Variants in DIP2C observed in about 807,000 individuals in gnomAD.
DIP2C encodes the protein disco-interacting protein 2 homolog C.
A neutral mutation model predicts 192.4 loss-of-function variants in DIP2C; 33 were observed. That is an observed-to-expected ratio of 0.17 (90% confidence interval 0.13 to 0.23). The LOEUF (loss-of-function observed/expected upper bound fraction) is 0.23, where lower values mean the gene tolerates loss of function less well. Among genes scored for constraint, DIP2C ranks in the 10% least tolerant of loss-of-function variants. The pLI, the probability that DIP2C is intolerant of heterozygous loss-of-function variation, is 1.00. For synonymous variants in DIP2C, 979 were observed against 864.1 expected, an observed-to-expected ratio of 1.13 and a Z score of -2.33; for missense variants, 1,537 against 2,110.1, an observed-to-expected ratio of 0.73 and a Z score of 5.32.
At chr10:337,486 T>G (rs1161798108) in intron 29 of DIP2C, among the ~76,000 whole-genome samples, 2 of 141,734 alleles carry the variant, frequency 1.4e-5, no homozygotes, top group African/African-American at 5.3e-5. Flanking sequence ...TGTGTATGTG[T>G]GTGCTGTGGA....
At chr10:527,940 C>T (rs1289631856) in intron 1 of DIP2C, among the ~76,000 whole-genome samples, 1 of 152,164 alleles carries the variant, frequency 6.6e-6, no homozygotes, top group East Asian at 1.9e-4. Flanking sequence ...CCCAGCTCCA[C>T]GTAATTATGT....
At chr10:507,033 G>A (rs1211355618) in intron 1 of DIP2C, among the ~76,000 whole-genome samples, 9 of 150,376 alleles carry the variant, frequency 6.0e-5, no homozygotes, top group South Asian at 2.1e-4. Flanking sequence ...GTGAGGTCAC[G>A]GACCCGGTCA....
chr10:414,499 C>T (rs1965408017), intron 7 of DIP2C, among the ~76,000 whole-genome samples: 1 of 151,936 alleles, frequency 6.6e-6, no homozygotes, highest in African/African-American at 2.4e-5. Flanking sequence ...ATATTTTGTC[C>T]TGAAAGATTA....
At chr10:437,713 G>C (rs1018029558) in intron 4 of DIP2C, 1 of 152,176 alleles carries the variant, frequency 6.6e-6, no homozygotes, top group African/African-American at 2.4e-5. Flanking sequence ...AATTATTCTT[G>C]TATCTTTACA....
chr10:442,428 T>C (rs965248406), intron 3 of DIP2C, among the ~76,000 whole-genome samples: 3 of 152,158 alleles, frequency 2.0e-5, no homozygotes, highest in South Asian at 2.1e-4. Flanking sequence ...AAAATCAATA[T>C]GTGACTGACT....
At chr10:634,353 A>T (rs1854707386) in intron 1 of DIP2C, among the ~76,000 whole-genome samples, 1 of 152,164 alleles carries the variant, frequency 6.6e-6, no homozygotes, top group South Asian at 2.1e-4. Context: ...CAGCTACACT[A>T]AACTACTTGT....
Position 652,015 on chromosome 10 carries a change from A to G in DIP2C, c.85+37479T>C, listed in dbSNP as rs1032119777. 8 of 160,534 alleles carry G rather than the reference A, an allele frequency of 5.0e-5. No homozygotes were observed. Among genetic ancestry groups the G allele is most frequent in the East Asian group, 3.8e-4 (2 of 5,292 alleles). 9.9% of individuals were successfully genotyped at this position (160,534 alleles called of 1,614,324 possible). A position where few individuals can be genotyped will look rare whatever the true frequency, so the allele number is the denominator to read the frequency against. On this transcript the variant is annotated intron_variant, in intron 1 of 36. Transcript: ENST00000280886. This position sits in a 1 kb window ranked among gnomAD's most constrained non-coding sequence, Gnocchi z 4.5. ...GACACACGTTTCACATGGCAGGAACACTGTATTTTCTCCCTGAGTTTGGTT... is the reference window on the plus strand; with the variant it reads ...GACACACGTTTCACATGGCAGGAACGCTGTATTTTCTCCCTGAGTTTGGTT...
At chr10:658,104 CCTGGACCTGCCCCTGGACCTGCCG>C (rs1856508440) in intron 1 of DIP2C, among the ~76,000 whole-genome samples, 1 of 149,346 alleles carries the variant, frequency 6.7e-6, no homozygotes, top group African/African-American at 2.5e-5. Flanking sequence ...TGGACCTGTC[CCTGGACCTGCCCCTGGACCTGCCG>C]CTGGACCTGT....
chr10:655,501 T>C (rs927540752), intron 1 of DIP2C, among the ~76,000 whole-genome samples: 1 of 152,034 alleles, frequency 6.6e-6, no homozygotes, highest in Non-Finnish European at 1.5e-5. Flanking sequence ...CGCTACGTAA[T>C]ACTCACTGTC....
intron 1 of DIP2C, among the ~76,000 whole-genome samples, chr10:566,466 A>G (rs1465678972): frequency 2.0e-5 from 3 of 152,178 alleles, no homozygotes; most frequent in African/African-American, 7.2e-5. Context: ...AGCACACCAC[A>G]AACAGCACAG....
intron 1 of DIP2C, chr10:629,774 T>C (rs1854406800): frequency 6.6e-6 from 1 of 152,416 alleles, no homozygotes; most frequent in Non-Finnish European, 1.5e-5. Flanking sequence ...CCATACATGA[T>C]GCTGAGGTGT....
intron 5 of DIP2C, among the ~76,000 whole-genome samples, chr10:420,271 G>A (rs777697448): frequency 5.9e-5 from 9 of 152,246 alleles, no homozygotes; most frequent in Non-Finnish European, 7.3e-5. Context: ...GTGACAGGAC[G>A]CTGCTTTGTG....
intron 1 of DIP2C, among the ~76,000 whole-genome samples, chr10:564,434 A>G (rs1439715159): frequency 6.6e-6 from 1 of 152,128 alleles, no homozygotes. Context: ...CCAAAGCCTT[A>G]AGAACCATTG....
At chr10:386,719 T>A (rs566629198) in intron 14 of DIP2C, among the ~76,000 whole-genome samples, 6 of 152,348 alleles carry the variant, frequency 3.9e-5, no homozygotes, top group African/African-American at 1.4e-4. Flanking sequence ...AATACAGGAA[T>A]TCCTGTATTC....
intron 31 of DIP2C, among the ~76,000 whole-genome samples, chr10:314,629 G>T (rs1250467693): frequency 6.6e-6 from 1 of 152,210 alleles, no homozygotes; most frequent in Admixed American, 6.5e-5. Context: ...ACGAGGCTGG[G>T]TCTGGCGATA....
intron 1 of DIP2C, among the ~76,000 whole-genome samples, chr10:534,718 G>A (rs891720745): frequency 6.7e-6 from 1 of 148,512 alleles, no homozygotes; most frequent in African/African-American, 2.5e-5. Flanking sequence ...CGCCCAGGCC[G>A]GACTGCGGAC....
chr10:543,422 A>C (rs1204008398), intron 1 of DIP2C, among the ~76,000 whole-genome samples: 3 of 152,256 alleles, frequency 2.0e-5, no homozygotes, highest in African/African-American at 7.2e-5. Context: ...CATGGAAATT[A>C]AACTGACGTT....
At chr10:414,724 TGTGTGTGTGTGTGTGTAC>T (rs1422025377) in intron 7 of DIP2C, among the ~76,000 whole-genome samples, 12 of 78,298 alleles carry the variant, frequency 1.5e-4, no homozygotes, top group Admixed American at 1.5e-4. Flanking sequence ...TGTGTGTGTG[TGTGTGTGTGTGTGTGTAC>T]ATATATATAT....
At chr10:594,432 C>T (rs1851577950) in intron 1 of DIP2C, among the ~76,000 whole-genome samples, 1 of 152,088 alleles carries the variant, frequency 6.6e-6, no homozygotes. Flanking sequence ...CGAGTACAAA[C>T]CATTTCAACA....
Sources: allele counts gnomAD v4.1 joint callset (sites outside exome capture counted in the v4.1 genomes callset), GRCh38; gene constraint gnomAD v4.1.1; non-coding constraint Gnocchi (gnomAD v3.1); transcripts MANE v1.5; gene names NCBI Gene and HGNC (gene_info 2026-07-23, HGNC 2026-07-21).